The following RASSF6 variants were observed in gnomAD, a reference collection of about 807,000 sequenced individuals.
The protein encoded by RASSF6 is Ras association domain family member 6.
Under a neutral mutation model 44.0 loss-of-function variants are expected in RASSF6, and 52 were observed. The observed-to-expected ratio is 1.18, with a 90% CI of 0.95 to 1.49. RASSF6 has a LOEUF of 1.49. RASSF6 is among the 40% of genes most tolerant of loss of function. The pLI is 0.00. For missense variants in RASSF6, 464 were observed against 393.3 expected (o/e 1.18, Z -1.52); for synonymous variants, 162 against 124.6 (o/e 1.30, Z -2.00).
intron 2 of RASSF6, among the ~76,000 whole-genome samples, chr4:73,602,453 G>A (rs948075344): frequency 1.3e-5 from 2 of 152,158 alleles, no homozygotes; most frequent in Non-Finnish European, 2.9e-5. Context: ...ATAATTACAG[G>A]CATTGTATGG....
At chr4:73,590,229 T>G (rs1407678062) in intron 4 of RASSF6, among the ~76,000 whole-genome samples, 1 of 152,226 alleles carries the variant, frequency 6.6e-6, no homozygotes, top group Non-Finnish European at 1.5e-5. Context: ...CCAATTAAGC[T>G]GATACTTCCT....
At chr4:73,613,307 T>C (rs1198160400) in intron 1 of RASSF6, among the ~76,000 whole-genome samples, 1 of 152,114 alleles carries the variant, frequency 6.6e-6, no homozygotes, top group African/African-American at 2.4e-5. Flanking sequence ...AGAAGCCACA[T>C]GGGCATTTTA....
At chr4:73,587,134 G>A (rs1247659) in intron 5 of RASSF6, among the ~76,000 whole-genome samples, 60,702 of 151,652 alleles carry the variant, frequency 0.4, 12,523 homozygotes, top group African/African-American at 0.48. Context: ...TTCATATAAA[G>A]TACAAAATAT....
intron 2 of RASSF6, among the ~76,000 whole-genome samples, chr4:73,599,020 T>A (rs1357190280): frequency 6.6e-6 from 1 of 152,222 alleles, no homozygotes; most frequent in East Asian, 1.9e-4. Flanking sequence ...TTCATATTCC[T>A]TTTTGTATTT....
chr4:73,578,916 C>G (rs1380886071), intron 8 of RASSF6, among the ~76,000 whole-genome samples: 1 of 151,852 alleles, frequency 6.6e-6, no homozygotes, highest in Admixed American at 6.6e-5. Context: ...CTGACACCCC[C>G]CTTCTCATCC....
chr4:73,616,927 A>T (rs1221871011), intron 1 of RASSF6, among the ~76,000 whole-genome samples: 1 of 152,238 alleles, frequency 6.6e-6, no homozygotes, highest in Non-Finnish European at 1.5e-5. Flanking sequence ...TCACTTCAAG[A>T]AAATGAGACA....
intron 1 of RASSF6, among the ~76,000 whole-genome samples, chr4:73,615,084 C>A (rs1726262195): frequency 6.8e-6 from 1 of 146,916 alleles, no homozygotes; most frequent in Non-Finnish European, 1.5e-5. Context: ...GAGGCTGAGG[C>A]CCGAGAATCA....
rs1390878429 is a variant in RASSF6 at position 73,573,166 on chromosome 4, C to T, written c.*3069G>A. On this transcript the variant is annotated 3_prime_UTR_variant, in exon 11 of 11. Transcript: ENST00000307439. ...TTTTAGAGACGGAGTCTTGCTCTGT[C>T]GTCCAGGCTGGAGAGCAGTGGCGCC... The T allele has an allele frequency of 6.6e-6, 1 of 150,436 alleles. No homozygotes were observed. The highest frequency in any genetic ancestry group is 2.4e-5 in the African/African-American group (1 of 40,818). 9.3% of individuals were successfully genotyped at this position (150,436 alleles called of 1,614,324 possible).
intron 4 of RASSF6, among the ~76,000 whole-genome samples, chr4:73,589,070 C>G (rs957696609): frequency 2.6e-5 from 4 of 152,052 alleles, no homozygotes; most frequent in African/African-American, 7.2e-5. Context: ...ATCCCTTATC[C>G]TCTTTACTTT....
At chr4:73,600,600 G>A (rs1725216188) in intron 2 of RASSF6, among the ~76,000 whole-genome samples, 1 of 152,158 alleles carries the variant, frequency 6.6e-6, no homozygotes, top group South Asian at 2.1e-4. Flanking sequence ...TTGAATGACA[G>A]AATTTATATA....
At chr4:73,617,715 G>T (rs111665460) in intron 1 of RASSF6, among the ~76,000 whole-genome samples, 1 of 152,108 alleles carries the variant, frequency 6.6e-6, no homozygotes, top group African/African-American at 2.4e-5. Flanking sequence ...AGTTAAGTTT[G>T]GTTGTTGAGA....
Position 73,598,676 on chromosome 4 carries a change from AT to A in RASSF6, c.107del (p.Tyr36LeufsTer19), listed in dbSNP as rs769492840. 2.0e-6 allele frequency: 3 copies of A among 1,531,878 alleles called. No individual in the cohort carries two copies. The highest frequency in any genetic ancestry group is 2.4e-5 in the South Asian group (2 of 82,798). 94.9% of individuals were successfully genotyped at this position (1,531,878 alleles called of 1,614,324 possible). A position where few individuals can be genotyped will look rare whatever the true frequency, so the allele number is the denominator to read the frequency against. ...NSLLKTYNIF[Y>X]ENQKNLHILY... ...AAATATGCAGATTTTTCTGGTTCTC[AT>A]AAAAAATGTTATAGGTCTTCAATAA... On this transcript the variant is annotated frameshift_variant, in exon 3 of 11. Coordinates refer to ENST00000307439, the MANE Select transcript of RASSF6 (RefSeq NM_177532.5). LOFTEE classifies it high-confidence loss of function.
intron 8 of RASSF6, among the ~76,000 whole-genome samples, chr4:73,579,765 A>T (rs939994865): frequency 6.6e-6 from 1 of 152,028 alleles, no homozygotes; most frequent in East Asian, 1.9e-4. Flanking sequence ...TATTGCTACC[A>T]TTTATTTTAT....
intron 2 of RASSF6, among the ~76,000 whole-genome samples, chr4:73,605,532 G>A (rs1240978659): frequency 6.6e-6 from 1 of 152,210 alleles, no homozygotes; most frequent in African/African-American, 2.4e-5. Context: ...AAATGATGAA[G>A]AAAGAATGCT....
chr4:73,611,639 G>T, intron 2 of RASSF6, 92 bp downstream of exon 2: 1 of 710,060 alleles, frequency 1.4e-6, no homozygotes, highest in Non-Finnish European at 2.4e-6. Flanking sequence ...TATTGATCTT[G>T]TTGACCATAC....
intron 3 of RASSF6, among the ~76,000 whole-genome samples, chr4:73,595,440 C>T (rs1429319570): frequency 1.3e-5 from 2 of 152,122 alleles, no homozygotes; most frequent in Non-Finnish European, 1.5e-5. Context: ...CTCAGGTGAT[C>T]CACCTGCCTC....
At chr4:73,581,727 G>T in intron 8 of RASSF6, 90 bp downstream of exon 8, 1 of 797,472 alleles carries the variant, frequency 1.3e-6, no homozygotes, top group Non-Finnish European at 2.1e-6. Flanking sequence ...TTTCTCCACA[G>T]AATGAGGCAA....
intron 1 of RASSF6, among the ~76,000 whole-genome samples, chr4:73,616,869 T>C (rs1335476660): frequency 1.3e-5 from 2 of 152,226 alleles, no homozygotes; most frequent in African/African-American, 4.8e-5. Context: ...CTCAAAGTTA[T>C]GACCTGGAAC....
chr4:73,608,080 C>T (rs533111839), intron 2 of RASSF6, among the ~76,000 whole-genome samples: 57 of 143,868 alleles, frequency 4.0e-4, no homozygotes, highest in African/African-American at 1.4e-3. Flanking sequence ...CTTCCTCCTC[C>T]TCCTTGCTTA....
Sources: gnomAD v4.1 joint callset for allele counts (sites outside exome capture counted in the v4.1 genomes callset) on GRCh38, gnomAD v4.1.1 for gene constraint, MANE v1.5 for transcripts, NCBI Gene and HGNC (gene_info 2026-07-23, HGNC 2026-07-21) for gene names.